Variants in GALNT1 observed in about 807,000 individuals in gnomAD.
The protein encoded by GALNT1 is polypeptide N-acetylgalactosaminyltransferase 1.
In GALNT1, 17 loss-of-function variants were observed where a neutral mutation model predicts 65.7. The ratio of observed to expected loss-of-function variants is 0.26; its 90% CI spans 0.18 to 0.39. The LOEUF (loss-of-function observed/expected upper bound fraction) is 0.39, where lower values mean the gene tolerates loss of function less well. Ranked by LOEUF, GALNT1 falls within the 10% of genes least tolerant of loss-of-function variation. The pLI is 1.00. For missense variants in GALNT1, 460 were observed against 672.8 expected (o/e 0.68, Z 3.50); for synonymous variants, 210 against 219.7 (o/e 0.96, Z 0.39).
chr18:35,663,498 A>C, intron 2 of GALNT1, 130 bp from the exon 3 acceptor site: 1 of 872,700 alleles, frequency 1.1e-6, no homozygotes, highest in Non-Finnish European at 1.8e-6. Flanking sequence ...TTAACAGCCT[A>C]GGAGAGGGTG....
At chr18:35,691,618 C>T (rs796180302) in intron 8 of GALNT1, among the ~76,000 whole-genome samples, 2 of 152,174 alleles carry the variant, frequency 1.3e-5, no homozygotes, top group South Asian at 4.1e-4. Flanking sequence ...TAAGCAGGCC[C>T]TCAATGCTGT....
chr18:35,602,896 G>A (rs1227151616), intron 1 of GALNT1, among the ~76,000 whole-genome samples: 1 of 152,134 alleles, frequency 6.6e-6, no homozygotes, highest in Non-Finnish European at 1.5e-5. Flanking sequence ...ATAATTCCCT[G>A]TTTGCTGTTT....
intron 1 of GALNT1, among the ~76,000 whole-genome samples, chr18:35,647,528 A>G (rs2047246977): frequency 6.6e-6 from 1 of 152,224 alleles, no homozygotes; most frequent in Admixed American, 6.5e-5. Flanking sequence ...TTTTATTTGT[A>G]TTGGAGGATA....
chr18:35,599,719 G>T (rs1214055354), intron 1 of GALNT1, among the ~76,000 whole-genome samples: 1 of 152,150 alleles, frequency 6.6e-6, no homozygotes, highest in Non-Finnish European at 1.5e-5. Flanking sequence ...GAGAAATAGG[G>T]ATCTAGCTTT....
chr18:35,633,851 A>G (rs948609769), intron 1 of GALNT1, among the ~76,000 whole-genome samples: 2 of 152,198 alleles, frequency 1.3e-5, no homozygotes, highest in Admixed American at 6.6e-5. Flanking sequence ...AGGGAGGTCA[A>G]TCTGAAGGCT....
At chr18:35,632,640 G>C (rs976922014) in intron 1 of GALNT1, among the ~76,000 whole-genome samples, 2 of 152,174 alleles carry the variant, frequency 1.3e-5, no homozygotes, top group African/African-American at 2.4e-5. Context: ...ATAGGCATGG[G>C]CAAGGACTTC....
chr18:35,640,744 A>G (rs2144292360), intron 1 of GALNT1, among the ~76,000 whole-genome samples: 1 of 152,312 alleles, frequency 6.6e-6, no homozygotes, highest in East Asian at 1.9e-4. Flanking sequence ...GGAGAGATAG[A>G]TCAATAGAAG....
rs557834064 is a variant in GALNT1 at position 35,640,539 on chromosome 18, T to G, written c.-103-14021T>G. ...CTCTCCAGTTATTTATAGATTTATT[T>G]CAATCTAGTCAGAATCATGACAACT... is the stretch of plus-strand genomic sequence containing the variant. On this transcript the variant is annotated intron_variant, in intron 1 of 11. Transcript: ENST00000269195. Among the ~76,000 whole-genome samples the G allele has an allele frequency of 1.6e-4, 24 of 152,352 alleles. 1 individual carries two copies. The South Asian group carries it at 5.0e-3, about 32-fold the overall frequency.
intron 9 of GALNT1, among the ~76,000 whole-genome samples, chr18:35,700,609 G>C (rs1418287893): frequency 6.6e-6 from 1 of 152,166 alleles, no homozygotes; most frequent in African/African-American, 2.4e-5. Flanking sequence ...TCAGGAATTA[G>C]TTATAGGAAT....
intron 4 of GALNT1, among the ~76,000 whole-genome samples, chr18:35,678,058 G>A (rs2047735806): frequency 6.6e-6 from 1 of 152,066 alleles, no homozygotes; most frequent in African/African-American, 2.4e-5. Flanking sequence ...ATTTTGTTAG[G>A]ATTTTCTCTG....
At chr18:35,693,412 T>C (rs549463840) in intron 9 of GALNT1, among the ~76,000 whole-genome samples, 8 of 152,246 alleles carry the variant, frequency 5.3e-5, no homozygotes, top group African/African-American at 1.9e-4. Context: ...ATATAAAGCT[T>C]TTAGGTTATA....
At chr18:35,686,921 AT>A in intron 5 of GALNT1, 94 bp from the exon 6 acceptor site, 1 of 1,246,188 alleles carries the variant, frequency 8.0e-7, no homozygotes, top group East Asian at 2.5e-5. Context: ...AAGGGAAAAA[AT>A]AAAAAATAAA....
intron 3 of GALNT1, among the ~76,000 whole-genome samples, chr18:35,673,235 A>G (rs765178053): frequency 6.6e-6 from 1 of 152,236 alleles, no homozygotes; most frequent in Non-Finnish European, 1.5e-5. Flanking sequence ...TTGAAGGGAC[A>G]TGGAGGAGAG....
chr18:35,582,987 A>G (rs1441227970), intron 1 of GALNT1, among the ~76,000 whole-genome samples: 2 of 152,240 alleles, frequency 1.3e-5, no homozygotes, highest in African/African-American at 4.8e-5. Context: ...GTTCTTTGCT[A>G]CAGTTGAACA....
chr18:35,629,473 C>A (rs1157506554), intron 1 of GALNT1, among the ~76,000 whole-genome samples: 1 of 152,100 alleles, frequency 6.6e-6, no homozygotes, highest in African/African-American at 2.4e-5. Context: ...AACTAAGCTT[C>A]ACAGTGAAGG....
intron 1 of GALNT1, among the ~76,000 whole-genome samples, chr18:35,645,685 A>G (rs2047222006): frequency 6.6e-6 from 1 of 152,190 alleles, no homozygotes; most frequent in African/African-American, 2.4e-5. Flanking sequence ...AAATCATACC[A>G]TCTGCAGATG....
At chr18:35,592,594 A>G (rs2046458497) in intron 1 of GALNT1, among the ~76,000 whole-genome samples, 1 of 152,080 alleles carries the variant, frequency 6.6e-6, no homozygotes, top group South Asian at 2.1e-4. Context: ...GTGCTGTTGA[A>G]AGGTTTTGAG....
At chr18:35,665,047 T>C (rs983231607) in intron 3 of GALNT1, among the ~76,000 whole-genome samples, 1 of 152,246 alleles carries the variant, frequency 6.6e-6, no homozygotes, top group East Asian at 1.9e-4. Flanking sequence ...AAACTCATAG[T>C]CATTGAGTCC....
intron 11 of GALNT1, among the ~76,000 whole-genome samples, chr18:35,706,867 A>G (rs1353970724): frequency 6.6e-6 from 1 of 152,186 alleles, no homozygotes; most frequent in African/African-American, 2.4e-5. Flanking sequence ...CAGAATACTT[A>G]TGTCCATTAT....
Sources: allele counts gnomAD v4.1 joint callset (sites outside exome capture counted in the v4.1 genomes callset), GRCh38; gene constraint gnomAD v4.1.1; transcripts MANE v1.5; gene names NCBI Gene and HGNC (gene_info 2026-07-23, HGNC 2026-07-21).